The following MINK1 variants were observed in gnomAD, a reference collection of about 807,000 sequenced individuals.
The protein encoded by MINK1 is misshapen like kinase 1, also known as misshapen-like kinase 1.
A neutral mutation model predicts 178.4 loss-of-function variants in MINK1; 46 were observed. The ratio of observed to expected loss-of-function variants is 0.26; its 90% CI spans 0.20 to 0.33. The LOEUF (loss-of-function observed/expected upper bound fraction) is 0.33. Among genes scored for constraint, MINK1 ranks in the 10% least tolerant of loss-of-function variants. The pLI is 1.00. For synonymous variants in MINK1, 797 were observed against 709.7 expected (o/e 1.12, Z -1.96); for missense variants, 1,366 against 1,814.9 (o/e 0.75, Z 4.49).
chr17:4,842,005 A>G (rs1910299788), intron 1 of MINK1, among the ~76,000 whole-genome samples: 1 of 152,054 alleles, frequency 6.6e-6, no homozygotes, highest in Admixed American at 6.6e-5. Context: ...GCGGATCACG[A>G]GGTCAGGAGA....
At chr17:4,839,939 ATGTGTGTGTGTGTGTGTGTG>A (rs34473686) in intron 1 of MINK1, among the ~76,000 whole-genome samples, 16,753 of 141,972 alleles carry the variant, frequency 0.12, 1,568 homozygotes, top group East Asian at 0.49. Flanking sequence ...TTATTTATTA[ATGTGTGTGTGTGTGTGTGTG>A]TGTGTGTGTG....
At chr17:4,872,456 G>A (rs376129308) in intron 1 of MINK1, among the ~76,000 whole-genome samples, 4 of 151,858 alleles carry the variant, frequency 2.6e-5, no homozygotes, top group African/African-American at 7.3e-5. Flanking sequence ...TGGGCAACAC[G>A]GTGAAACCCC....
At chr17:4,874,597 C>T (rs1384365912) in intron 1 of MINK1, among the ~76,000 whole-genome samples, 2 of 152,012 alleles carry the variant, frequency 1.3e-5, no homozygotes, top group Non-Finnish European at 2.9e-5. Flanking sequence ...GGAGAAAGGA[C>T]AGGGTGGCTG....
chr17:4,861,146 G>T (rs1914106105), intron 1 of MINK1, among the ~76,000 whole-genome samples: 2 of 152,220 alleles, frequency 1.3e-5, no homozygotes, highest in South Asian at 4.1e-4. Flanking sequence ...ACCTGGAGCT[G>T]TGAGGGGAAC....
At position 4,836,452 on chromosome 17, in the gene MINK1, G is replaced by A. The variant is rs1909323595; in HGVS notation, c.57+2812G>A. ...TCCACCAGCCTGGCTGCAGCGTGGT[G>A]AGGAAAAGCATGTGGTTTGAAGTTG... On this transcript the variant is annotated intron_variant, in intron 1 of 31. Transcript: ENST00000355280. The surrounding 1 kb of genome is among the most constrained non-coding windows in gnomAD (Gnocchi z 4.3). Among the ~76,000 whole-genome samples, 1 of 152,158 alleles carries A rather than the reference G, an allele frequency of 6.6e-6. No homozygotes were observed. Among genetic ancestry groups the A allele is most frequent in the South Asian group, 2.1e-4 (1 of 4,832 alleles).
intron 1 of MINK1, among the ~76,000 whole-genome samples, chr17:4,846,874 C>T (rs557605245): frequency 6.6e-6 from 1 of 152,292 alleles, no homozygotes; most frequent in African/African-American, 2.4e-5. Flanking sequence ...TCGGCCAAGG[C>T]CTCAGAGCTA....
chr17:4,878,755 A>G (rs1381206614), intron 2 of MINK1, among the ~76,000 whole-genome samples: 1 of 152,180 alleles, frequency 6.6e-6, no homozygotes, highest in Non-Finnish European at 1.5e-5. Flanking sequence ...AAAGAGACCC[A>G]GGACTTTGAG....
chr17:4,865,251 T>G (rs1052494420), intron 1 of MINK1, among the ~76,000 whole-genome samples: 10 of 151,036 alleles, frequency 6.6e-5, no homozygotes, highest in African/African-American at 2.5e-4. Flanking sequence ...ACTAACATGG[T>G]GAACCTCCGT....
intron 1 of MINK1, among the ~76,000 whole-genome samples, chr17:4,840,281 T>C (rs991542432): frequency 1.3e-5 from 2 of 152,134 alleles, no homozygotes; most frequent in East Asian, 3.8e-4. Context: ...GCCATTCTTA[T>C]GGTGAAGCAT....
Position 4,895,084 on chromosome 17 carries a change from G to A in MINK1, c.2927G>A (p.Gly976Asp). The A allele has an allele frequency of 6.2e-7, 1 of 1,613,544 alleles. No homozygotes were observed. The highest frequency in any genetic ancestry group is 8.5e-7 in the Non-Finnish European group (1 of 1,179,986). Residue 976 changes from glycine to aspartate, a missense_variant, in exon 25 of 32, where the codon GGT (glycine) becomes GAT (aspartate). Gly to Asp is a moderately conservative substitution (Grantham distance 94). Around this residue, in one of 14 missense-constraint regions of MINK1, gnomAD observed 709 missense variants for 692.3 expected, o/e 1.02. Coordinates refer to ENST00000355280, the MANE Select transcript of MINK1 (RefSeq NM_153827.5). This position sits in a 1 kb window ranked among gnomAD's most constrained non-coding sequence, Gnocchi z 4.3. ...GDSIPITALV[G>D]GEGTRLDQLQ... is the part of the protein sequence containing the mutation. ...CTCCTCCTTCTGGCAGCCCTAGTGG[G>A]TGGAGAGGGCACTCGGCTCGACCAG...
Position 4,891,582 on chromosome 17 carries a change from A to G in MINK1, c.1867A>G (p.Ile623Val), listed in dbSNP as rs377766100. ...AGCCTCCCATGACCCCGACCCTGCC[A>G]TCCCCGCACCCACTGCCACGCCCAG... ...FPASHDPDPA[I>V]PAPTATPSAR... is the part of the protein sequence containing the mutation. The change falls in exon 16 of 32, where the codon ATC becomes GTC. Residue 623 changes from isoleucine (I) to valine (V), a missense_variant. This residue lies in a region of MINK1 where 709 missense variants were observed against 692.3 expected (regional missense o/e 1.02). Transcript: ENST00000355280. 1.2e-6 allele frequency: 2 copies of G among 1,605,830 alleles called. No individual in the cohort carries two copies. The highest frequency in any genetic ancestry group is 1.7e-5 in the Admixed American group (1 of 58,794).
At chr17:4,858,461 T>A (rs1229696770) in intron 1 of MINK1, among the ~76,000 whole-genome samples, 3 of 151,154 alleles carry the variant, frequency 2.0e-5, no homozygotes, top group Admixed American at 6.6e-5. Context: ...CTGTTTATTT[T>A]TTTTTAATTT....
chr17:4,897,016 GT>G, intron 31 of MINK1, 187 bp from the exon 32 acceptor site: 2 of 890,744 alleles, frequency 2.2e-6, no homozygotes, highest in Non-Finnish European at 3.4e-6. Flanking sequence ...CAGGGGGCGA[GT>G]GGTGCACCCT....
chr17:4,842,780 G>C (rs1467012195), intron 1 of MINK1, among the ~76,000 whole-genome samples: 1 of 152,222 alleles, frequency 6.6e-6, no homozygotes, highest in African/African-American at 2.4e-5. Context: ...GTCTTAGAGA[G>C]GGGCCAGCAC....
intron 1 of MINK1, among the ~76,000 whole-genome samples, chr17:4,869,137 G>A (rs920921017): frequency 1.1e-4 from 17 of 151,736 alleles, no homozygotes; most frequent in African/African-American, 3.1e-4. Flanking sequence ...TGTTAGCCAG[G>A]ATGGTCTTGA....
At chr17:4,884,811 T>C in intron 5 of MINK1, 101 bp from the exon 6 acceptor site, 4 of 1,024,208 alleles carry the variant, frequency 3.9e-6, no homozygotes, top group Non-Finnish European at 5.9e-6. Flanking sequence ...AGCCCAGCCC[T>C]GTCCAGACTG....
chr17:4,872,797 C>A (rs1420287252), intron 1 of MINK1, among the ~76,000 whole-genome samples: 1 of 152,108 alleles, frequency 6.6e-6, no homozygotes, highest in Non-Finnish European at 1.5e-5. Context: ...ACTCCTCAAA[C>A]ATCCACCCTT....
At chr17:4,837,017 TA>T (rs199812002) in intron 1 of MINK1, among the ~76,000 whole-genome samples, 13 of 147,898 alleles carry the variant, frequency 8.8e-5, no homozygotes, top group East Asian at 3.9e-4. Flanking sequence ...CCATCTCTAC[TA>T]AAAAAAAAAT....
intron 1 of MINK1, among the ~76,000 whole-genome samples, chr17:4,859,775 C>T (rs564074846): frequency 2.1e-5 from 2 of 97,526 alleles, no homozygotes; most frequent in South Asian, 3.4e-4. Flanking sequence ...GTGACAAGAG[C>T]GAAACTCCAT....
Sources: gnomAD v4.1 joint callset for allele counts (sites outside exome capture counted in the v4.1 genomes callset) on GRCh38, gnomAD v4.1.1 for gene constraint, gnomAD v4.1.1 regional missense constraint, Gnocchi (gnomAD v3.1) non-coding constraint, MANE v1.5 for transcripts, NCBI Gene and HGNC (gene_info 2026-07-23, HGNC 2026-07-21) for gene names.